The following TLK1 variants were observed in gnomAD, a reference collection of about 807,000 sequenced individuals.
TLK1 encodes tousled like kinase 1.
TLK1 carries 24 observed loss-of-function variants against 105.3 expected under a neutral mutation model. That is an observed-to-expected ratio of 0.23 (90% confidence interval 0.17 to 0.32). TLK1 has a LOEUF of 0.32. Ranked by LOEUF, TLK1 falls within the 10% of genes least tolerant of loss-of-function variation. TLK1 has a pLI of 1.00. For synonymous variants in TLK1, 321 were observed against 310.4 expected, an observed-to-expected ratio of 1.03 and a Z score of -0.36; for missense variants, 558 against 910.5, an observed-to-expected ratio of 0.61 and a Z score of 4.98.
intron 2 of TLK1, among the ~76,000 whole-genome samples, chr2:171,090,494 T>C (rs868855160): frequency 6.6e-6 from 1 of 152,230 alleles, no homozygotes; most frequent in South Asian, 2.1e-4. Context: ...TGAGTGTACT[T>C]ATGATTTGTG....
rs534351207 is a variant in TLK1, at chr2:171,148,253, G to A, written c.139+12037C>T. Among the ~76,000 whole-genome samples the A allele has an allele frequency of 4.6e-5, 7 of 152,112 alleles. No individual in the cohort carries two copies. In the South Asian group the frequency reaches 1.5e-3, roughly 32 times the overall value. ...AAAGGGGCCTATATTGTGTTTTTTTGTGTGTTCTTATTAGTACCAAGGAGA... is the reference window on the plus strand; with the variant it reads ...AAAGGGGCCTATATTGTGTTTTTTTATGTGTTCTTATTAGTACCAAGGAGA... On this transcript the variant is annotated intron_variant, in intron 1 of 20. Coordinates refer to ENST00000431350, the MANE Select transcript of TLK1 (RefSeq NM_012290.5).
chr2:171,077,486 C>T (rs1218640476), intron 3 of TLK1, among the ~76,000 whole-genome samples: 1 of 152,238 alleles, frequency 6.6e-6, no homozygotes, highest in Non-Finnish European at 1.5e-5. Flanking sequence ...TCAATATTTG[C>T]TGTCGCTATT....
intron 12 of TLK1, among the ~76,000 whole-genome samples, chr2:171,022,086 AACACACACACAC>A (rs557803785): frequency 9.7e-6 from 1 of 103,010 alleles, no homozygotes; most frequent in African/African-American, 3.0e-5. Flanking sequence ...CTGGGCGAAA[AACACACACACAC>A]ACACACACAC....
At position 170,991,043 on chromosome 2, in the gene TLK1, A is replaced by G. The variant is rs1157004792; in HGVS notation, c.*2737T>C. Reference sequence around the variant, plus strand: ...AAGATTGAGTCTTTATTTTTGAAAAACCACCAAGTATCTCCAACTCCCAAC... The same window carrying G: ...AAGATTGAGTCTTTATTTTTGAAAAGCCACCAAGTATCTCCAACTCCCAAC... On this transcript the variant is annotated 3_prime_UTR_variant, in exon 21 of 21. Transcript: ENST00000431350. 1 of 152,058 alleles carries G rather than the reference A, an allele frequency of 6.6e-6. No individual in the cohort carries two copies. Among genetic ancestry groups the G allele is most frequent in the Non-Finnish European group, 1.5e-5 (1 of 68,022 alleles). The allele number at this position is 152,058 out of a possible 1,614,324, so 9.4% of individuals were successfully genotyped here.
At chr2:171,142,514 C>T (rs570872845) in intron 1 of TLK1, among the ~76,000 whole-genome samples, 1 of 152,018 alleles carries the variant, frequency 6.6e-6, no homozygotes, top group African/African-American at 2.4e-5. Context: ...AGGTAAAATG[C>T]AATACTGAGA....
At chr2:171,028,441 A>G (rs761086738) in intron 11 of TLK1, 36 bp from the exon 12 acceptor site, 141 of 1,347,736 alleles carry the variant, frequency 1.0e-4, no homozygotes, top group Non-Finnish European at 1.4e-4. Context: ...ACATATTGAG[A>G]TTAATACTTA....
intron 2 of TLK1, among the ~76,000 whole-genome samples, chr2:171,094,601 C>A (rs1035733917): frequency 6.6e-6 from 1 of 152,060 alleles, no homozygotes; most frequent in African/African-American, 2.4e-5. Context: ...AAGCAATACC[C>A]TCAAACTAAA....
chr2:171,185,051 G>C (rs1693001247), intron 1 of TLK1, among the ~76,000 whole-genome samples: 1 of 152,126 alleles, frequency 6.6e-6, no homozygotes, highest in Non-Finnish European at 1.5e-5. Context: ...ATGTTAGCCA[G>C]GATGGTCTCG....
intron 2 of TLK1, among the ~76,000 whole-genome samples, chr2:171,100,673 T>C (rs183988741): frequency 5.1e-4 from 77 of 152,186 alleles, no homozygotes; most frequent in African/African-American, 1.6e-3. Context: ...AAGACAATAA[T>C]AAGTGTTGAC....
intron 1 of TLK1, among the ~76,000 whole-genome samples, chr2:171,146,560 G>C (rs887778716): frequency 3.9e-5 from 6 of 152,104 alleles, no homozygotes; most frequent in African/African-American, 1.4e-4. Flanking sequence ...AATGTAACAA[G>C]AATTAACATC....
intron 1 of TLK1, among the ~76,000 whole-genome samples, chr2:171,139,240 C>T (rs894812484): frequency 1.3e-5 from 2 of 152,054 alleles, no homozygotes; most frequent in African/African-American, 4.8e-5. Context: ...AATGCTCTGA[C>T]GATTTTATTT....
chr2:171,117,922 C>A, intron 1 of TLK1, 65 bp from the exon 2 acceptor site: 1 of 1,074,174 alleles, frequency 9.3e-7, no homozygotes, highest in Non-Finnish European at 1.3e-6. Flanking sequence ...CTTACACACA[C>A]AAATATATAT....
chr2:171,112,546 A>G (rs1028567968), intron 2 of TLK1, among the ~76,000 whole-genome samples: 1 of 152,208 alleles, frequency 6.6e-6, no homozygotes, highest in Non-Finnish European at 1.5e-5. Flanking sequence ...ACCTTCAGAC[A>G]ATTCCTCTTT....
chr2:171,075,901 AC>A (rs1255818820), intron 3 of TLK1, among the ~76,000 whole-genome samples: 2 of 152,036 alleles, frequency 1.3e-5, no homozygotes, highest in Non-Finnish European at 2.9e-5. Context: ...GTAGAAACTT[AC>A]TCCCCGTAGT....
At chr2:171,027,930 A>AGGTG (rs1286093764) in intron 12 of TLK1, among the ~76,000 whole-genome samples, 1 of 152,228 alleles carries the variant, frequency 6.6e-6, no homozygotes, top group Non-Finnish European at 1.5e-5. Flanking sequence ...TGGGAGGCCA[A>AGGTG]GGTGGGTGGA....
intron 1 of TLK1, among the ~76,000 whole-genome samples, chr2:171,215,085 T>A (rs2105327683): frequency 6.6e-6 from 1 of 152,212 alleles, no homozygotes; most frequent in South Asian, 2.1e-4. Context: ...GGACTACAGG[T>A]TGGCAACACC....
At chr2:171,201,594 C>G (rs1417655618) in intron 1 of TLK1, among the ~76,000 whole-genome samples, 2 of 152,192 alleles carry the variant, frequency 1.3e-5, no homozygotes, top group Non-Finnish European at 2.9e-5. Flanking sequence ...ATAGACTGCT[C>G]TAACCATTGA....
chr2:171,127,863 T>C (rs1233394474), intron 1 of TLK1, among the ~76,000 whole-genome samples: 1 of 152,146 alleles, frequency 6.6e-6, no homozygotes, highest in Admixed American at 6.6e-5. Flanking sequence ...TATCTATCCA[T>C]CTATCTACAT....
chr2:171,083,307 G>C (rs1196916847), intron 2 of TLK1, among the ~76,000 whole-genome samples: 1 of 151,982 alleles, frequency 6.6e-6, no homozygotes, highest in Admixed American at 6.6e-5. Flanking sequence ...AAACTGTCCT[G>C]TTTTTCTTTT....
Sources: gnomAD v4.1 joint callset for allele counts (sites outside exome capture counted in the v4.1 genomes callset) on GRCh38, gnomAD v4.1.1 for gene constraint, MANE v1.5 for transcripts, NCBI Gene and HGNC (gene_info 2026-07-23, HGNC 2026-07-21) for gene names.